KMT2E: variants seen among roughly 807,000 people sequenced by gnomAD.
The protein encoded by KMT2E is histone reader KMT2E.
Under a neutral mutation model 184.6 loss-of-function variants are expected in KMT2E, and 30 were observed. The observed-to-expected ratio is 0.16, with a 90% CI of 0.12 to 0.22. The LOEUF (loss-of-function observed/expected upper bound fraction) is 0.22, where lower values mean the gene tolerates loss of function less well. Ranked by LOEUF, KMT2E falls within the 10% of genes least tolerant of loss-of-function variation. The pLI is 1.00. For synonymous variants in KMT2E, 815 were observed against 776.5 expected (o/e 1.05, Z -0.82); for missense variants, 2,023 against 2,237.4 (o/e 0.90, Z 1.93).
chr7:105,021,500 C>G (rs1794949776), intron 1 of KMT2E, among the ~76,000 whole-genome samples: 1 of 152,110 alleles, frequency 6.6e-6, no homozygotes, highest in South Asian at 2.1e-4. Flanking sequence ...CTCTAGCTAG[C>G]TTAAATAAAG....
chr7:105,055,148 A>C (rs1355604695), intron 3 of KMT2E, among the ~76,000 whole-genome samples: 1 of 150,742 alleles, frequency 6.6e-6, no homozygotes, highest in Non-Finnish European at 1.5e-5. Flanking sequence ...CACTTACATC[A>C]TTAACTTGCT....
intron 15 of KMT2E, among the ~76,000 whole-genome samples, chr7:105,095,119 G>A (rs1205144175): frequency 6.6e-6 from 1 of 152,102 alleles, no homozygotes; most frequent in Non-Finnish European, 1.5e-5. Context: ...AATGAGAATG[G>A]AAGATAAGGC....
intron 6 of KMT2E, among the ~76,000 whole-genome samples, chr7:105,067,742 A>G (rs1370715093): frequency 6.6e-6 from 1 of 152,142 alleles, no homozygotes; most frequent in African/African-American, 2.4e-5. Context: ...AGGCCGAGGT[A>G]GGTAGATCAT....
chr7:105,112,717 A>G lies in KMT2E; in HGVS notation c.4961A>G (p.His1654Arg). 1 of 1,613,700 alleles carries G rather than the reference A, an allele frequency of 6.2e-7. No homozygotes were observed. The highest frequency in any genetic ancestry group is 1.3e-5 in the African/African-American group (1 of 74,888). ...PNSHQQHSVA[H>R]VVGPVHAVTP... ...TCCCATCAGCAACACTCTGTAGCAC[A>G]TGTAGTAGGGCCTGTTCATGCGGTC... Residue 1654 changes from histidine to arginine, a missense_variant, in exon 27 of 27, where the codon CAT (histidine) becomes CGT (arginine). Transcript: ENST00000311117.
At chr7:105,105,176 TAATACAAATTTC>T (rs1798845755) in intron 17 of KMT2E, 1 of 286,794 alleles carries the variant, frequency 3.5e-6, no homozygotes, top group African/African-American at 2.2e-5. Context: ...AAAAAAAAAG[TAATACAAATTTC>T]ATGTAATATA....
At chr7:105,038,533 T>C (rs894349689) in intron 2 of KMT2E, 2 of 152,242 alleles carry the variant, frequency 1.3e-5, no homozygotes, top group Admixed American at 1.3e-4. Flanking sequence ...CAGGTAATTT[T>C]TGTATTTTTA....
chr7:105,102,759 A>T (rs1363903256), intron 17 of KMT2E: 2 of 153,038 alleles, frequency 1.3e-5, no homozygotes, highest in East Asian at 3.8e-4. Flanking sequence ...GGAGTACAGC[A>T]GATTGGGGCA....
At chr7:105,050,553 CT>C (rs1162376859) in intron 3 of KMT2E, among the ~76,000 whole-genome samples, 2 of 152,178 alleles carry the variant, frequency 1.3e-5, no homozygotes, top group African/African-American at 4.8e-5. Context: ...ACTTGGAATT[CT>C]TGATGTTCTT....
At chr7:105,081,606 A>G (rs1797766911) in intron 12 of KMT2E, 82 bp from the exon 13 acceptor site, 1 of 744,530 alleles carries the variant, frequency 1.3e-6, no homozygotes, top group Non-Finnish European at 2.4e-6. Flanking sequence ...TAATTTGAAA[A>G]GAATAATTTT....
At position 105,109,204 on chromosome 7, in the gene KMT2E, A is replaced by T. The variant is rs1288841500; in HGVS notation, c.3731A>T (p.Glu1244Val). 3 of 1,613,834 alleles carry T rather than the reference A, an allele frequency of 1.9e-6. No individual in the cohort carries two copies. The highest frequency in any genetic ancestry group is 2.7e-5 in the African/African-American group (2 of 74,930). Residue 1244 changes from glutamate (E) to valine (V), a missense_variant, in exon 23 of 27, where the codon GAG becomes GTG. Glu to Val is a moderately radical substitution (Grantham distance 121). Coordinates refer to ENST00000311117, the MANE Select transcript of KMT2E (RefSeq NM_182931.3). ...NCPVKDATAS[E>V]KNEPEVQWTA... The stretch of plus-strand genomic sequence containing the variant: ...CCTGTTAAGGATGCTACTGCTAGTG[A>T]GAAGAATGAACCAGAAGTTCAATGG...
chr7:105,062,394 C>A, intron 4 of KMT2E, 116 bp downstream of exon 4: 1 of 571,064 alleles, frequency 1.8e-6, no homozygotes, highest in Non-Finnish European at 3.0e-6. Flanking sequence ...TTCATACTAT[C>A]AAAATAATTA....
At position 105,101,374 on chromosome 7, in the gene KMT2E, T is replaced by C. The variant is rs368176485; in HGVS notation, c.1723-51T>C. ...TATCACAAACATTTGGACTTAATTT[T>C]ACTTTTGAGCATTGATATTTATGAT... is the stretch of plus-strand genomic sequence containing the variant. On this transcript the variant is annotated intron_variant, in intron 15 of 26. Coordinates refer to ENST00000311117, the MANE Select transcript of KMT2E (RefSeq NM_182931.3). 636 of 1,273,684 alleles carry C rather than the reference T, an allele frequency of 5.0e-4. 1 individual carries two copies. The highest frequency in any genetic ancestry group is 6.2e-4 in the Non-Finnish European group (589 of 949,088). 78.9% of individuals were successfully genotyped at this position (1,273,684 alleles called of 1,614,324 possible).
At chr7:105,073,981 G>C (rs1797433279) in intron 7 of KMT2E, among the ~76,000 whole-genome samples, 1 of 152,070 alleles carries the variant, frequency 6.6e-6, no homozygotes, top group Admixed American at 6.5e-5. Context: ...AAATATGTTT[G>C]TTCTTCAGAA....
intron 3 of KMT2E, among the ~76,000 whole-genome samples, chr7:105,054,339 C>T (rs1796474279): frequency 6.6e-6 from 1 of 151,418 alleles, no homozygotes; most frequent in Non-Finnish European, 1.5e-5. Flanking sequence ...TTCTGTACCT[C>T]ATAAAAAATG....
chr7:105,108,477 GT>G, intron 22 of KMT2E: 1 of 428,300 alleles, frequency 2.3e-6, no homozygotes, highest in Admixed American at 2.6e-5. Context: ...CACTTATTTT[GT>G]TAGTAGGCTT....
At chr7:105,065,190 AT>A (rs1034699738) in intron 5 of KMT2E, among the ~76,000 whole-genome samples, 6 of 151,978 alleles carry the variant, frequency 3.9e-5, no homozygotes, top group Admixed American at 1.3e-4. Context: ...TTGGCTCATT[AT>A]TTTTACATGT....
intron 5 of KMT2E, among the ~76,000 whole-genome samples, chr7:105,065,396 T>C (rs1158472517): frequency 6.6e-6 from 1 of 152,178 alleles, no homozygotes; most frequent in African/African-American, 2.4e-5. Flanking sequence ...TTGATATATA[T>C]TTCACATTCT....
At chr7:105,109,904 C>T (rs1799118621) in intron 23 of KMT2E, among the ~76,000 whole-genome samples, 1 of 146,898 alleles carries the variant, frequency 6.8e-6, no homozygotes, top group Non-Finnish European at 1.5e-5. Flanking sequence ...AGTGCAGTGG[C>T]GCAATCTCGG....
At chr7:105,089,958 CCA>C in intron 13 of KMT2E, 49 bp from the exon 14 acceptor site, 1 of 1,578,066 alleles carries the variant, frequency 6.3e-7, no homozygotes, top group Non-Finnish European at 8.6e-7. Flanking sequence ...TAGAAAATTT[CCA>C]GTTTTGTTTT....
Sources: allele counts gnomAD v4.1 joint callset (sites outside exome capture counted in the v4.1 genomes callset), GRCh38; gene constraint gnomAD v4.1.1; transcripts MANE v1.5; gene names NCBI Gene and HGNC (gene_info 2026-07-23, HGNC 2026-07-21).